The following SGIP1 variants were observed in gnomAD, a reference collection of about 807,000 sequenced individuals.
SGIP1 encodes the protein SH3GL interacting endocytic adaptor 1.
In SGIP1, 38 loss-of-function variants were observed where a neutral mutation model predicts 107.5. The observed-to-expected ratio is 0.35, with a 90% CI of 0.27 to 0.46. The LOEUF is 0.46. Ranked by LOEUF, SGIP1 falls within the 20% of genes least tolerant of loss-of-function variation. SGIP1 has a pLI of 1.00. For synonymous variants in SGIP1, 365 were observed against 366.1 expected (o/e 1.00, Z 0.03); for missense variants, 929 against 1,019.5 (o/e 0.91, Z 1.21).
chr1:66,636,799 A>G (rs886267826), intron 4 of SGIP1, among the ~76,000 whole-genome samples: 3 of 152,208 alleles, frequency 2.0e-5, no homozygotes, highest in Non-Finnish European at 4.4e-5. Context: ...CTGACCTTGA[A>G]AGCCAGAGGC....
At chr1:66,557,644 G>A (rs1056604520) in intron 1 of SGIP1, among the ~76,000 whole-genome samples, 4 of 152,208 alleles carry the variant, frequency 2.6e-5, no homozygotes, top group South Asian at 4.2e-4. Context: ...AGTAGGTAAC[G>A]AAAAGGAGGA....
intron 2 of SGIP1, among the ~76,000 whole-genome samples, chr1:66,632,638 A>G (rs1196527790): frequency 6.6e-6 from 1 of 152,114 alleles, no homozygotes; most frequent in African/African-American, 2.4e-5. Flanking sequence ...GGGCAACATA[A>G]CCAGACCCCA....
At position 66,536,615 on chromosome 1, in the gene SGIP1, T is replaced by A. The variant is rs753758152; in HGVS notation, c.10+2247T>A. 1.1e-4 allele frequency among the ~76,000 whole-genome samples: 16 copies of A among 152,214 alleles called. 1 individual carries two copies. In the South Asian group the frequency reaches 1.2e-3, roughly 12 times the overall value. ...CTCATCTCTAGAGATTGCCAGCCTC[T>A]GTACATCTACCACAATAACCTTGGA... On this transcript the variant is annotated intron_variant, in intron 1 of 24. Transcript: ENST00000371037.
At chr1:66,542,066 C>T (rs557870699) in intron 1 of SGIP1, among the ~76,000 whole-genome samples, 4 of 152,152 alleles carry the variant, frequency 2.6e-5, no homozygotes, top group African/African-American at 9.6e-5. Context: ...ATGCCTGAAA[C>T]TACAGATATT....
chr1:66,594,897 T>A (rs2064317260), intron 1 of SGIP1, among the ~76,000 whole-genome samples: 1 of 152,098 alleles, frequency 6.6e-6, no homozygotes. Flanking sequence ...TTCTAAACAC[T>A]CAAATATTAG....
At chr1:66,676,556 A>G (rs1281385951) in intron 12 of SGIP1, among the ~76,000 whole-genome samples, 1 of 151,646 alleles carries the variant, frequency 6.6e-6, no homozygotes. Flanking sequence ...CTTCAAGGAT[A>G]GGAACCACTG....
intron 1 of SGIP1, among the ~76,000 whole-genome samples, chr1:66,577,266 T>TG (rs1553229676): frequency 1.3e-5 from 2 of 152,208 alleles, no homozygotes; most frequent in Non-Finnish European, 2.9e-5. Context: ...ACTCAGTTCA[T>TG]GGCATGTGCT....
intron 1 of SGIP1, among the ~76,000 whole-genome samples, chr1:66,535,417 T>C (rs2053371432): frequency 6.6e-6 from 1 of 152,212 alleles, no homozygotes; most frequent in African/African-American, 2.4e-5. Flanking sequence ...AAGCCAAGGT[T>C]TGTCCTACGG....
chr1:66,628,812 C>G (rs12081691), intron 2 of SGIP1, among the ~76,000 whole-genome samples: 16 of 151,232 alleles, frequency 1.1e-4, no homozygotes, highest in Non-Finnish European at 1.6e-4. Flanking sequence ...GGTACTCTAA[C>G]GAGACATTTG....
intron 4 of SGIP1, among the ~76,000 whole-genome samples, chr1:66,639,295 G>T (rs953933148): frequency 2.6e-5 from 4 of 152,204 alleles, no homozygotes; most frequent in African/African-American, 9.6e-5. Flanking sequence ...CAAGGGGGTA[G>T]TTACAAAAAA....
At chr1:66,537,585 A>G (rs1286649241) in intron 1 of SGIP1, among the ~76,000 whole-genome samples, 2 of 152,080 alleles carry the variant, frequency 1.3e-5, no homozygotes, top group East Asian at 1.9e-4. Flanking sequence ...TTAGTTCCAT[A>G]TTCAGGCTCT....
chr1:66,639,105 A>G lies in SGIP1; in HGVS notation c.172-672A>G, dbSNP rs751760174. On this transcript the variant is annotated intron_variant, in intron 4 of 24. Coordinates refer to ENST00000371037, the MANE Select transcript of SGIP1 (RefSeq NM_032291.4). ...TAAGAAGAGAGTAGTGCTGATATCCAGTAAACTTGCAATGATGCGTGCTCA... is the reference window on the plus strand; with the variant it reads ...TAAGAAGAGAGTAGTGCTGATATCCGGTAAACTTGCAATGATGCGTGCTCA... 2.0e-5 allele frequency among the ~76,000 whole-genome samples: 3 copies of G among 152,352 alleles called. No homozygotes were observed. In the South Asian group the frequency reaches 6.2e-4, roughly 32 times the overall value.
intron 1 of SGIP1, among the ~76,000 whole-genome samples, chr1:66,601,532 T>A (rs565289086): frequency 1.5e-3 from 223 of 150,346 alleles, no homozygotes; most frequent in African/African-American, 3.0e-3. Flanking sequence ...TGTGTGTGTG[T>A]GAGAGAGAGA....
At chr1:66,729,932 G>C (rs2093931336) in intron 20 of SGIP1, among the ~76,000 whole-genome samples, 1 of 152,048 alleles carries the variant, frequency 6.6e-6, no homozygotes, top group South Asian at 2.1e-4. Context: ...CTCCCAAGTA[G>C]CTGAGATTAC....
At chr1:66,683,545 G>C (rs2087307714) in intron 15 of SGIP1, among the ~76,000 whole-genome samples, 1 of 152,040 alleles carries the variant, frequency 6.6e-6, no homozygotes, top group Non-Finnish European at 1.5e-5. Flanking sequence ...TATATCTTTA[G>C]ATGTGTATGC....
At chr1:66,687,430 G>T (rs1274936686) in intron 15 of SGIP1, among the ~76,000 whole-genome samples, 3 of 152,042 alleles carry the variant, frequency 2.0e-5, no homozygotes, top group Non-Finnish European at 4.4e-5. Flanking sequence ...TTGTAGTGGG[G>T]CCTGTCAAAA....
chr1:66,649,442 GACAA>G (rs907869146), intron 7 of SGIP1, among the ~76,000 whole-genome samples: 2 of 152,140 alleles, frequency 1.3e-5, no homozygotes, highest in African/African-American at 2.4e-5. Flanking sequence ...TCTGAAATGG[GACAA>G]ACAAACAGCT....
At chr1:66,656,241 G>A (rs570958111) in intron 7 of SGIP1, among the ~76,000 whole-genome samples, 1 of 152,312 alleles carries the variant, frequency 6.6e-6, no homozygotes, top group East Asian at 1.9e-4. Flanking sequence ...TGGAAGGCCT[G>A]CAGGGGCAAT....
At chr1:66,560,953 G>A (rs577781122) in intron 1 of SGIP1, among the ~76,000 whole-genome samples, 9 of 152,158 alleles carry the variant, frequency 5.9e-5, no homozygotes, top group African/African-American at 2.2e-4. Context: ...CCCGTTGTAA[G>A]TGTTAACACA....
Sources: gnomAD v4.1 joint callset for allele counts (sites outside exome capture counted in the v4.1 genomes callset) on GRCh38, gnomAD v4.1.1 for gene constraint, MANE v1.5 for transcripts, NCBI Gene and HGNC (gene_info 2026-07-23, HGNC 2026-07-21) for gene names.